Variants in CFH observed in about 807,000 individuals in gnomAD.
The protein encoded by CFH is H factor 1 (complement).
CFH carries 53 observed loss-of-function variants against 147.3 expected under a neutral mutation model. The observed-to-expected ratio is 0.36, with a 90% confidence interval of 0.29 to 0.45. The LOEUF (loss-of-function observed/expected upper bound fraction) is 0.45, where lower values mean the gene tolerates loss of function less well. Ranked by LOEUF, CFH falls within the 20% of genes least tolerant of loss-of-function variation. The probability of loss-of-function intolerance (pLI) is 1.00; values close to 1 mark genes in which losing one functional copy is unlikely to be tolerated. For missense variants in CFH, 1,380 were observed against 1,498.0 expected (o/e 0.92, Z 1.30); for synonymous variants, 536 against 489.4 (o/e 1.10, Z -1.26).
At position 196,668,417 on chromosome 1, in the gene CFH, A is replaced by G. The variant is rs534417929; in HGVS notation, c.59-4561A>G. 4.6e-5 allele frequency among the ~76,000 whole-genome samples: 7 copies of G among 152,230 alleles called. No homozygotes were observed. The East Asian group carries it at 1.4e-3, about 29-fold the overall frequency. ...CAGACTTCAGTATTTACTTCCACAG[A>G]CTTGGCTGTTATTTTTACTATTCTC... On this transcript the variant is annotated intron_variant, in intron 1 of 21. Coordinates refer to ENST00000367429, the MANE Select transcript of CFH (RefSeq NM_000186.4).
At position 196,698,271 on chromosome 1, in the gene CFH, A is replaced by C. The variant is rs143317846; in HGVS notation, c.1336+8032A>C. The stretch of plus-strand genomic sequence containing the variant: ...ATAGAGACATGAAAACCCTTCAAAA[A>C]ATCAATGCACCCAGGAGCTGGTTTT... On this transcript the variant is annotated intron_variant, in intron 9 of 21. Coordinates refer to ENST00000367429, the MANE Select transcript of CFH (RefSeq NM_000186.4). 2.9e-3 allele frequency among the ~76,000 whole-genome samples: 441 copies of C among 152,264 alleles called. 2 individuals are homozygous for C. The highest frequency in any genetic ancestry group is 0.021 in the East Asian group (108 of 5,178).
intron 9 of CFH, chr1:196,700,717 C>A: frequency 2.3e-6 from 1 of 436,228 alleles, no homozygotes; most frequent in Non-Finnish European, 3.0e-6. Context: ...CAGTCATTTA[C>A]CTACAGTCCA....
At chr1:196,663,080 A>T (rs983567780) in intron 1 of CFH, among the ~76,000 whole-genome samples, 12 of 152,114 alleles carry the variant, frequency 7.9e-5, no homozygotes, top group African/African-American at 2.7e-4. Flanking sequence ...CAAGGTTAAG[A>T]TATTTTCTCT....
Position 196,677,672 on chromosome 1 carries a change from G to C in CFH, c.619+5G>C. On this transcript the variant is annotated splice_donor_5th_base_variant and intron_variant, in intron 5 of 21. Coordinates refer to ENST00000367429, the MANE Select transcript of CFH (RefSeq NM_000186.4). ...AAGAGAAACCAAAGTGTGTGGGTAAGATACACTTACTGTTTTAGTATTTTT... is the reference window on the plus strand; with the variant it reads ...AAGAGAAACCAAAGTGTGTGGGTAACATACACTTACTGTTTTAGTATTTTT... The C allele has an allele frequency of 6.2e-7, 1 of 1,609,540 alleles. No individual in the cohort carries two copies. The highest frequency in any genetic ancestry group is 8.5e-7 in the Non-Finnish European group (1 of 1,176,190).
chr1:196,713,312 C>A (rs1198059637), intron 9 of CFH, among the ~76,000 whole-genome samples: 1 of 152,100 alleles, frequency 6.6e-6, no homozygotes, highest in Non-Finnish European at 1.5e-5. Flanking sequence ...ATTATTTTGG[C>A]AGATTTTCTA....
chr1:196,672,771 A>G (rs1160379372), intron 1 of CFH, among the ~76,000 whole-genome samples: 1 of 152,154 alleles, frequency 6.6e-6, no homozygotes, highest in African/African-American at 2.4e-5. Flanking sequence ...TGTAGATACA[A>G]ATTTTATAAG....
At chr1:196,710,325 A>T (rs10737680) in intron 9 of CFH, among the ~76,000 whole-genome samples, 1 of 151,852 alleles carries the variant, frequency 6.6e-6, no homozygotes, top group East Asian at 1.9e-4. Flanking sequence ...CTACTGTCTC[A>T]GCGTATTGGT....
intron 1 of CFH, among the ~76,000 whole-genome samples, chr1:196,667,434 T>G (rs901925942): frequency 6.6e-6 from 1 of 152,330 alleles, no homozygotes; most frequent in East Asian, 1.9e-4. Flanking sequence ...TTTATTAATA[T>G]GAAATGACTC....
intron 9 of CFH, chr1:196,701,414 AG>A (rs1668446430): frequency 6.2e-7 from 1 of 1,603,616 alleles, no homozygotes; most frequent in South Asian, 1.1e-5. Flanking sequence ...GAGTCTTGCC[AG>A]GTCAATACTT....
At chr1:196,701,533 C>A in intron 9 of CFH, 1 of 666,992 alleles carries the variant, frequency 1.5e-6, no homozygotes, top group Non-Finnish European at 2.5e-6. Context: ...GGGCTGGTGG[C>A]TTTGAGATTA....
intron 1 of CFH, among the ~76,000 whole-genome samples, chr1:196,654,765 G>A (rs749504806): frequency 4.6e-5 from 7 of 152,148 alleles, no homozygotes; most frequent in Non-Finnish European, 8.8e-5. Context: ...GAGATTTAGA[G>A]TGCAGAAACG....
At chr1:196,743,679 A>T (rs903315360) in intron 20 of CFH, 51 bp downstream of exon 20, 1 of 1,611,160 alleles carries the variant, frequency 6.2e-7, no homozygotes, top group African/African-American at 1.3e-5. Context: ...GCAGGGTTAA[A>T]ATATGTTGAT....
chr1:196,685,689 C>T (rs1466095731), intron 7 of CFH, among the ~76,000 whole-genome samples: 1 of 152,056 alleles, frequency 6.6e-6, no homozygotes, highest in Non-Finnish European at 1.5e-5. Flanking sequence ...ATGGCCCAGG[C>T]TACAGTGATC....
Position 196,726,547 on chromosome 1 carries a change from C to T in CFH, c.1951C>T (p.His651Tyr), listed in dbSNP as rs1225823638. ...VKEKTKEEYG[H>Y]SEVVEYYCNP... ...GGAAAAAACGAAAGAAGAATATGGA[C>T]ACAGTGAAGTGGTGGAATATTATTG... The change falls in exon 13 of 22, where the codon CAC becomes TAC. Residue 651 changes from histidine (H) to tyrosine (Y), a missense_variant. Physicochemically the swap from His to Tyr is moderately conservative, Grantham distance 83. This residue lies in a region of CFH where 830 missense variants were observed against 821.4 expected (regional missense o/e 1.01). Coordinates refer to ENST00000367429, the MANE Select transcript of CFH (RefSeq NM_000186.4). The T allele has an allele frequency of 1.6e-5, 25 of 1,612,418 alleles. No individual in the cohort carries two copies. In the East Asian group the frequency reaches 5.6e-4, roughly 36 times the overall value.
At chr1:196,716,285 A>C (rs577781033) in intron 11 of CFH, among the ~76,000 whole-genome samples, 3 of 152,136 alleles carry the variant, frequency 2.0e-5, no homozygotes, top group African/African-American at 7.2e-5. Flanking sequence ...GAAAACAAGT[A>C]TATGCAGAGT....
intron 1 of CFH, among the ~76,000 whole-genome samples, chr1:196,668,300 G>C (rs1667164616): frequency 6.6e-6 from 1 of 152,056 alleles, no homozygotes; most frequent in African/African-American, 2.4e-5. Flanking sequence ...GTTTCTATTT[G>C]CTTTCATTTT....
intron 21 of CFH, 57 bp from the exon 22 acceptor site, chr1:196,747,054 G>C: frequency 6.2e-7 from 1 of 1,607,564 alleles, no homozygotes; most frequent in Non-Finnish European, 8.5e-7. Context: ...AAACCTGAAA[G>C]TCTATGAAGA....
intron 19 of CFH, 122 bp from the exon 20 acceptor site, chr1:196,743,330 A>G: frequency 7.1e-7 from 1 of 1,403,248 alleles, no homozygotes. Flanking sequence ...AAATCAACAA[A>G]ATATTTGATG....
Position 196,673,076 on chromosome 1 carries a change from C to A in CFH, c.157C>A (p.Arg53Ser). 6.2e-7 allele frequency: 1 copy of A among 1,613,796 alleles called. No individual in the cohort carries two copies. The highest frequency in any genetic ancestry group is 8.5e-7 in the Non-Finnish European group (1 of 1,179,820). Residue 53 changes from arginine to serine, a missense_variant, in exon 2 of 22, where the codon CGC becomes AGC. Coordinates refer to ENST00000367429, the MANE Select transcript of CFH (RefSeq NM_000186.4). ...PEGTQAIYKC[R>S]PGYRSLGNVI... ...AGGCACCCAGGCTATCTATAAATGC[C>A]GCCCTGGATATAGATCTCTTGGAAA... is the stretch of plus-strand genomic sequence containing the variant.
Sources: gnomAD v4.1 joint callset for allele counts (sites outside exome capture counted in the v4.1 genomes callset) on GRCh38, gnomAD v4.1.1 for gene constraint, gnomAD v4.1.1 regional missense constraint, MANE v1.5 for transcripts, NCBI Gene and HGNC (gene_info 2026-07-23, HGNC 2026-07-21) for gene names.